The following NSF variants were observed in gnomAD, a reference collection of about 807,000 sequenced individuals.
The protein encoded by NSF is vesicle-fusing ATPase.
Under a neutral mutation model 50.3 loss-of-function variants are expected in NSF, and 14 were observed. That is an observed-to-expected ratio of 0.28 (90% CI 0.18 to 0.44). The LOEUF is 0.44. NSF is among the 20% of genes least tolerant of loss of function. The pLI is 1.00. For synonymous variants in NSF, 109 were observed against 175.7 expected (o/e 0.62, Z 3.00); for missense variants, 218 against 504.3 (o/e 0.43, Z 5.44).
chr17:46,635,896 A>G (rs1329679107), intron 4 of NSF, among the ~76,000 whole-genome samples: 2 of 114,252 alleles, frequency 1.8e-5, no homozygotes, highest in Non-Finnish European at 1.9e-5. Context: ...CTCCTGGGGA[A>G]ACTCAAATGC....
In NSF at chr17:46,673,909, G is replaced by GA. The variant is rs1377309593; in HGVS notation, c.746-505_746-504insA. Among the ~76,000 whole-genome samples the GA allele has an allele frequency of 2.2e-4, 2 of 9,290 alleles. 1 individual carries two copies. Among genetic ancestry groups the GA allele is most frequent in the Admixed American group, 2.1e-3 (2 of 936 alleles). 6.1% of individuals were successfully genotyped at this position (9,290 alleles called of 152,430 possible). A position where few individuals can be genotyped will look rare whatever the true frequency, so the allele number is the denominator to read the frequency against. ...GTTATGGCTGAATAGTATTCCATGG[G>GA]GGTGTGTGTGTGTGTGTGTGTGTGT... On this transcript the variant is annotated intron_variant, in intron 8 of 20. Transcript: ENST00000398238.
chr17:46,743,924 C>T (rs1234276110), intron 17 of NSF, among the ~76,000 whole-genome samples: 2 of 152,184 alleles, frequency 1.3e-5, no homozygotes, highest in Non-Finnish European at 2.9e-5. Context: ...CGTTTTCAGC[C>T]TTGGTGCTCT....
chr17:46,709,232 A>C (rs996550738), intron 13 of NSF, among the ~76,000 whole-genome samples: 1 of 152,202 alleles, frequency 6.6e-6, no homozygotes, highest in African/African-American at 2.4e-5. Flanking sequence ...TAAATATAAA[A>C]TAATCATTTT....
At chr17:46,657,390 A>C (rs2058268134) in intron 8 of NSF, among the ~76,000 whole-genome samples, 2 of 152,224 alleles carry the variant, frequency 1.3e-5, no homozygotes, top group African/African-American at 2.4e-5. Flanking sequence ...ACTAATAGAC[A>C]AGGTTTCAAG....
chr17:46,725,814 G>A (rs978137657), intron 15 of NSF, among the ~76,000 whole-genome samples: 6 of 152,082 alleles, frequency 3.9e-5, no homozygotes. Flanking sequence ...GATTTCCTGA[G>A]CCCCACCTGT....
At chr17:46,753,259 G>T (rs1279892884) in intron 19 of NSF, among the ~76,000 whole-genome samples, 1 of 152,160 alleles carries the variant, frequency 6.6e-6, no homozygotes, top group South Asian at 2.1e-4. Context: ...GGCAGTGAGC[G>T]GCAGAGGTGA....
chr17:46,751,009 ATAT>A, intron 18 of NSF, among the ~76,000 whole-genome samples: 1 of 152,298 alleles, frequency 6.6e-6, no homozygotes, highest in Non-Finnish European at 1.5e-5. Flanking sequence ...CTATTGGAAA[ATAT>A]TATCTACTGA....
Position 46,708,804 on chromosome 17 carries a change from TTATA to T in NSF, c.1471-2143_1471-2140del, listed in dbSNP as rs752353812. ...CCACTGCACTTGGCCACCATTTATT[TTATA>T]TATATATATATATATTTTTTTTTTT... On this transcript the variant is annotated intron_variant, in intron 13 of 20. Transcript: ENST00000398238. Among the ~76,000 whole-genome samples, 405 of 64,364 alleles carry T rather than the reference TTATA, an allele frequency of 6.3e-3. 6 individuals carry two copies. The highest frequency in any genetic ancestry group is 0.031 in the Middle Eastern group (3 of 98). The allele number at this position is 64,364 out of a possible 152,430, so 42.2% of individuals were successfully genotyped here.
chr17:46,743,244 AAG>A (rs2059094951), intron 17 of NSF, among the ~76,000 whole-genome samples: 1 of 152,044 alleles, frequency 6.6e-6, no homozygotes, highest in Admixed American at 6.6e-5. Context: ...TGTTTTTGGG[AAG>A]AGAGGGATTT....
In NSF at chr17:46,723,043, G is replaced by GTGATT. The variant is rs544292953; in HGVS notation, c.1762-3503_1762-3499dup. On this transcript the variant is annotated intron_variant, in intron 15 of 20. Coordinates refer to ENST00000398238, the MANE Select transcript of NSF (RefSeq NM_006178.4). ...TGTAGGCCATGCAGTCAACTGTGAA[G>GTGATT]TGATTTGGAATGCTTTGTGAATTAC... Among the ~76,000 whole-genome samples, 248 of 152,334 alleles carry GTGATT rather than the reference G, an allele frequency of 1.6e-3. 1 individual carries two copies. Among genetic ancestry groups the GTGATT allele is most frequent in the African/African-American group, 5.3e-3 (219 of 41,550 alleles).
chr17:46,715,270 C>T (rs1426355725), intron 15 of NSF, among the ~76,000 whole-genome samples: 1 of 152,202 alleles, frequency 6.6e-6, no homozygotes, highest in African/African-American at 2.4e-5. Flanking sequence ...TAGTATCTGT[C>T]CTTCCCAGGA....
intron 17 of NSF, among the ~76,000 whole-genome samples, chr17:46,737,479 T>A (rs1441104206): frequency 6.6e-6 from 1 of 152,136 alleles, no homozygotes; most frequent in Non-Finnish European, 1.5e-5. Context: ...TTTTAGCTCA[T>A]ACGAGGTGCT....
chr17:46,713,277 G>A (rs926585876), intron 14 of NSF: 4 of 152,488 alleles, frequency 2.6e-5, no homozygotes, highest in Admixed American at 6.5e-5. Flanking sequence ...TGAGAAGATG[G>A]AAAGGAAGAT....
At chr17:46,659,820 T>G (rs1227208277) in intron 8 of NSF, among the ~76,000 whole-genome samples, 2 of 143,310 alleles carry the variant, frequency 1.4e-5, no homozygotes, top group Admixed American at 1.4e-4. Context: ...TTCTCAGCAT[T>G]GGGGCCTTGT....
chr17:46,711,259 T>C, intron 14 of NSF, 140 bp downstream of exon 14: 1 of 767,322 alleles, frequency 1.3e-6, no homozygotes, highest in Non-Finnish European at 1.9e-6. Context: ...TAATCCAATC[T>C]ATGTACCAAT....
rs1434555128 is a variant in NSF, at chr17:46,752,601, G to A, written c.2157+985G>A. 6.6e-5 allele frequency among the ~76,000 whole-genome samples: 10 copies of A among 151,984 alleles called. No individual in the cohort carries two copies. The East Asian group carries it at 1.9e-3, about 29-fold the overall frequency. On this transcript the variant is annotated intron_variant, in intron 19 of 20. Transcript: ENST00000398238. ...CTCCCAAGTAGCTGGGACTACCAGC[G>A]TGTGCTACCACACTCAACTAATTTT...
intron 13 of NSF, among the ~76,000 whole-genome samples, chr17:46,709,147 A>G (rs1045782594): frequency 3.9e-5 from 6 of 152,098 alleles, no homozygotes; most frequent in African/African-American, 9.7e-5. Context: ...AACAATAATT[A>G]TTTGTTCCAA....
intron 14 of NSF, among the ~76,000 whole-genome samples, chr17:46,712,376 G>A (rs924791492): frequency 3.3e-5 from 5 of 152,152 alleles, no homozygotes; most frequent in Non-Finnish European, 5.9e-5. Flanking sequence ...TCTCTATTTT[G>A]TAGGTGGGGA....
intron 17 of NSF, among the ~76,000 whole-genome samples, chr17:46,731,820 C>T (rs1460014279): frequency 1.3e-5 from 2 of 152,156 alleles, no homozygotes; most frequent in Non-Finnish European, 2.9e-5. Flanking sequence ...CTGCAGTATA[C>T]ATGAATCAGT....
Sources: allele counts gnomAD v4.1 joint callset (sites outside exome capture counted in the v4.1 genomes callset), GRCh38; gene constraint gnomAD v4.1.1; transcripts MANE v1.5; gene names NCBI Gene and HGNC (gene_info 2026-07-23, HGNC 2026-07-21).